The following AGBL4 variants were observed in gnomAD, a reference collection of about 807,000 sequenced individuals.
The protein encoded by AGBL4 is AGBL carboxypeptidase 4, also known as cytosolic carboxypeptidase 6.
AGBL4 carries 58 observed loss-of-function variants against 66.4 expected under a neutral mutation model. The observed-to-expected ratio is 0.87, with a 90% confidence interval of 0.71 to 1.09. The LOEUF (loss-of-function observed/expected upper bound fraction) is 1.09. Among genes scored for constraint, AGBL4 ranks in the 50% least tolerant of loss-of-function variants. AGBL4 has a pLI of 0.00. For missense variants in AGBL4, 579 were observed against 631.0 expected, an observed-to-expected ratio of 0.92 and a Z score of 0.88; for synonymous variants, 234 against 222.9, an observed-to-expected ratio of 1.05 and a Z score of -0.44.
intron 3 of AGBL4, among the ~76,000 whole-genome samples, chr1:49,396,062 T>A (rs757998614): frequency 5.3e-5 from 8 of 151,502 alleles, no homozygotes; most frequent in Non-Finnish European, 1.2e-4. Flanking sequence ...TATATAGCTG[T>A]CCTTGTGCTG....
chr1:49,512,279 C>A (rs1228687798), intron 3 of AGBL4, among the ~76,000 whole-genome samples: 5 of 151,970 alleles, frequency 3.3e-5, no homozygotes, highest in African/African-American at 7.2e-5. Context: ...ATCCTACCTG[C>A]AATATTTATT....
At chr1:49,943,285 T>A (rs774265884) in intron 1 of AGBL4, among the ~76,000 whole-genome samples, 1 of 151,460 alleles carries the variant, frequency 6.6e-6, no homozygotes, top group Non-Finnish European at 1.5e-5. Context: ...GAGGCAGGAG[T>A]AGATTGCAGT....
chr1:49,963,812 GA>G (rs1557623581), intron 1 of AGBL4, among the ~76,000 whole-genome samples: 1 of 152,004 alleles, frequency 6.6e-6, no homozygotes, highest in Non-Finnish European at 1.5e-5. Flanking sequence ...TTATAATGCA[GA>G]CTTTGTCATC....
At chr1:49,213,617 C>A (rs1648846830) in intron 4 of AGBL4, among the ~76,000 whole-genome samples, 2 of 152,100 alleles carry the variant, frequency 1.3e-5, no homozygotes, top group Admixed American at 1.3e-4. Flanking sequence ...GCTTCCTGTA[C>A]AGCTGGCAGA....
intron 2 of AGBL4, among the ~76,000 whole-genome samples, chr1:49,823,734 T>C (rs1645429709): frequency 1.3e-5 from 2 of 151,728 alleles, no homozygotes; most frequent in Non-Finnish European, 2.9e-5. Flanking sequence ...TGTTCACTTC[T>C]GCAATTTTTA....
At chr1:48,530,541 G>A (rs1438763211), downstream of AGBL4, among the ~76,000 whole-genome samples, 2 of 152,138 alleles carry the variant, frequency 1.3e-5, no homozygotes, top group Admixed American at 6.5e-5. Context: ...AAAGGCAATA[G>A]AAAAAGCTTC....
intron 7 of AGBL4, among the ~76,000 whole-genome samples, chr1:48,662,651 C>T (rs1646126504): frequency 6.6e-6 from 1 of 152,090 alleles, no homozygotes; most frequent in Non-Finnish European, 1.5e-5. Flanking sequence ...GACTTATTTG[C>T]CTCTGGTTGT....
chr1:49,500,404 CT>C (rs398102706), intron 3 of AGBL4, among the ~76,000 whole-genome samples: 63 of 143,682 alleles, frequency 4.4e-4, no homozygotes, highest in East Asian at 6.1e-4. Context: ...ATCTATTTAT[CT>C]TTTTTTTTTT....
At chr1:49,148,235 A>T (rs1170859168) in intron 4 of AGBL4, among the ~76,000 whole-genome samples, 1 of 152,144 alleles carries the variant, frequency 6.6e-6, no homozygotes. Context: ...TGTCGTTATT[A>T]TTACTATCTA....
At chr1:49,619,735 A>C (rs1645320250) in intron 3 of AGBL4, among the ~76,000 whole-genome samples, 1 of 152,210 alleles carries the variant, frequency 6.6e-6, no homozygotes, top group Admixed American at 6.5e-5. Flanking sequence ...AAAAGACTAC[A>C]GTAACCCAAA....
intron 2 of AGBL4, among the ~76,000 whole-genome samples, chr1:49,808,872 C>T (rs895284946): frequency 6.6e-6 from 1 of 152,098 alleles, no homozygotes; most frequent in Non-Finnish European, 1.5e-5. Flanking sequence ...TTTACCTTCA[C>T]ATTATTTCAT....
At chr1:48,978,081 T>C (rs967015299) in intron 5 of AGBL4, among the ~76,000 whole-genome samples, 4 of 152,284 alleles carry the variant, frequency 2.6e-5, no homozygotes, top group South Asian at 2.1e-4. Context: ...TTTGAGGAGA[T>C]GGTGAGAACA....
intron 5 of AGBL4, among the ~76,000 whole-genome samples, chr1:49,012,193 C>T (rs1397433046): frequency 6.6e-6 from 1 of 152,038 alleles, no homozygotes; most frequent in African/African-American, 2.4e-5. Context: ...ATTTTCTTGT[C>T]TTTTTGCTCG....
At position 49,622,628 on chromosome 1, in the gene AGBL4, CAAAAAAAAAAAA is replaced by C. The variant is rs71059557; in HGVS notation, c.282+74673_282+74684del. Among the ~76,000 whole-genome samples the C allele has an allele frequency of 3.7e-4, 24 of 65,492 alleles. No individual in the cohort carries two copies. The Admixed American group carries it at 5.0e-3, about 14-fold the overall frequency. The allele number at this position is 65,492 out of a possible 152,430, so 43.0% of individuals were successfully genotyped here. On this transcript the variant is annotated intron_variant, in intron 3 of 13. Transcript: ENST00000371839. ...TGGGCGACAGAGCGAGACTCCGTCT[CAAAAAAAAAAAA>C]AAAAAAAAAAAAAAGAAAAATGGGA...
chr1:48,759,396 G>A, intron 6 of AGBL4: 1 of 1,443,896 alleles, frequency 6.9e-7, no homozygotes, highest in Non-Finnish European at 9.1e-7. Context: ...GAACATCAGT[G>A]CTTGGAGAAA....
At chr1:49,159,191 T>G (rs543371633) in intron 4 of AGBL4, among the ~76,000 whole-genome samples, 2 of 152,234 alleles carry the variant, frequency 1.3e-5, no homozygotes, top group South Asian at 4.2e-4. Context: ...GTTTTTGCAC[T>G]GGCTGGTACT....
At chr1:49,019,226 T>C (rs1238779027) in intron 5 of AGBL4, among the ~76,000 whole-genome samples, 1 of 152,160 alleles carries the variant, frequency 6.6e-6, no homozygotes, top group Non-Finnish European at 1.5e-5. Flanking sequence ...ACGGGTTATA[T>C]GCCATACGAA....
chr1:49,463,157 A>C lies in AGBL4; in HGVS notation c.283-217293T>G, dbSNP rs191148468. 2.2e-4 allele frequency among the ~76,000 whole-genome samples: 33 copies of C among 151,826 alleles called. No individual in the cohort carries two copies. The East Asian group carries it at 5.8e-3, about 27-fold the overall frequency. On this transcript the variant is annotated intron_variant, in intron 3 of 13. Transcript: ENST00000371839. ...TAGGTGTAATAGCTTCATTTTATAGATGGAAAAATAGATGTAGTTATTTGC... is the reference window on the plus strand; with the variant it reads ...TAGGTGTAATAGCTTCATTTTATAGCTGGAAAAATAGATGTAGTTATTTGC...
At position 49,346,353 on chromosome 1, in the gene AGBL4, C is replaced by T. The variant is rs199968028; in HGVS notation, c.283-100489G>A. Reference sequence around the variant, plus strand: ...CAGAGGAAACAAGAGGGATAAGTAGCATAAAATATTTAGATCAGTATTGTA... The same window carrying T: ...CAGAGGAAACAAGAGGGATAAGTAGTATAAAATATTTAGATCAGTATTGTA... On this transcript the variant is annotated intron_variant, in intron 3 of 13. Transcript: ENST00000371839. Among the ~76,000 whole-genome samples, 28 of 152,260 alleles carry T rather than the reference C, an allele frequency of 1.8e-4. No homozygotes were observed. In the East Asian group the frequency reaches 5.2e-3, roughly 28 times the overall value.
Sources: allele counts gnomAD v4.1 joint callset (sites outside exome capture counted in the v4.1 genomes callset), GRCh38; gene constraint gnomAD v4.1.1; transcripts MANE v1.5; gene names NCBI Gene and HGNC (gene_info 2026-07-23, HGNC 2026-07-21).